Variants in ATP1B3 observed in about 807,000 individuals in gnomAD.
The protein encoded by ATP1B3 is ATPase Na+/K+ transporting subunit beta 3.
Under a neutral mutation model 30.2 loss-of-function variants are expected in ATP1B3, and 10 were observed. The ratio of observed to expected loss-of-function variants is 0.33; its 90% confidence interval spans 0.20 to 0.56. The LOEUF (loss-of-function observed/expected upper bound fraction) is 0.56, where lower values mean the gene tolerates loss of function less well. Ranked by LOEUF, ATP1B3 falls within the 20% of genes least tolerant of loss-of-function variation. The probability of loss-of-function intolerance (pLI) is 0.90; values close to 1 mark genes in which losing one functional copy is unlikely to be tolerated. For missense variants in ATP1B3, 238 were observed against 336.7 expected (o/e 0.71, Z 2.29); for synonymous variants, 113 against 117.0 (o/e 0.97, Z 0.22).
chr3:141,918,679 C>G (rs1185061440), intron 5 of ATP1B3: 1 of 152,160 alleles, frequency 6.6e-6, no homozygotes, highest in Non-Finnish European at 1.5e-5. Flanking sequence ...CCTCGTGATT[C>G]GTCTTCCTCA....
intron 2 of ATP1B3, among the ~76,000 whole-genome samples, chr3:141,905,238 G>A (rs917868107): frequency 5.3e-5 from 8 of 152,230 alleles, no homozygotes; most frequent in Non-Finnish European, 7.4e-5. Flanking sequence ...GTGGGGAATC[G>A]GGCCAGGAAG....
At chr3:141,918,004 G>A (rs964966692) in intron 5 of ATP1B3, among the ~76,000 whole-genome samples, 11 of 151,708 alleles carry the variant, frequency 7.3e-5, no homozygotes, top group African/African-American at 2.2e-4. Flanking sequence ...TCCTGACCTC[G>A]TGATCCGCCC....
intron 3 of ATP1B3, among the ~76,000 whole-genome samples, chr3:141,910,759 T>C (rs1359285660): frequency 1.3e-5 from 2 of 148,552 alleles, no homozygotes; most frequent in Admixed American, 6.9e-5. Context: ...ACCCACTGTT[T>C]CTTGGCTCTT....
chr3:141,908,660 C>T (rs1934305495), intron 3 of ATP1B3, among the ~76,000 whole-genome samples: 1 of 152,174 alleles, frequency 6.6e-6, no homozygotes, highest in Admixed American at 6.5e-5. Flanking sequence ...TTGAGCACCT[C>T]CCTCAAATGG....
In ATP1B3 at chr3:141,907,571, G is replaced by A. The variant is rs139439374; in HGVS notation, c.346+297G>A. Reference sequence around the variant, plus strand: ...CAGAATAATCGCTTGAGCCTGGGAGGCAAAGGTTGCAGTGAGCCAAGTTTG... The same window carrying A: ...CAGAATAATCGCTTGAGCCTGGGAGACAAAGGTTGCAGTGAGCCAAGTTTG... On this transcript the variant is annotated intron_variant, in intron 3 of 6. Transcript: ENST00000286371. Among the ~76,000 whole-genome samples, 101 of 151,990 alleles carry A rather than the reference G, an allele frequency of 6.6e-4. No individual in the cohort carries two copies. In the East Asian group the frequency reaches 0.018, roughly 27 times the overall value.
intron 5 of ATP1B3, among the ~76,000 whole-genome samples, chr3:141,919,524 C>G (rs1400749349): frequency 2.0e-5 from 3 of 152,064 alleles, no homozygotes; most frequent in Non-Finnish European, 4.4e-5. Flanking sequence ...GAAAATGAAT[C>G]ATACTAAGAA....
intron 1 of ATP1B3, among the ~76,000 whole-genome samples, chr3:141,888,259 C>T (rs759117980): frequency 3.2e-4 from 48 of 152,264 alleles, no homozygotes; most frequent in Non-Finnish European, 5.1e-4. Flanking sequence ...TGAATACATT[C>T]GTGTGTTTCT....
chr3:141,924,676 G>A (rs1475549946), intron 6 of ATP1B3, among the ~76,000 whole-genome samples: 1 of 151,946 alleles, frequency 6.6e-6, no homozygotes, highest in East Asian at 1.9e-4. Flanking sequence ...GATAAGGGTC[G>A]GGTGTGGCGG....
intron 5 of ATP1B3, 86 bp downstream of exon 5, chr3:141,916,106 TC>T: frequency 1.6e-6 from 2 of 1,249,766 alleles, no homozygotes; most frequent in South Asian, 1.4e-5. Flanking sequence ...ATCTTTTTTT[TC>T]TTCCCTGTCA....
intron 3 of ATP1B3, among the ~76,000 whole-genome samples, chr3:141,910,915 T>C (rs1934347697): frequency 6.6e-6 from 1 of 152,164 alleles, no homozygotes; most frequent in Non-Finnish European, 1.5e-5. Flanking sequence ...AAATGGCTTA[T>C]TTCTGCCTTT....
intron 1 of ATP1B3, among the ~76,000 whole-genome samples, chr3:141,880,662 C>G (rs1267848962): frequency 6.6e-6 from 1 of 151,884 alleles, no homozygotes; most frequent in Non-Finnish European, 1.5e-5. Flanking sequence ...TAGGTTCATT[C>G]TAGCTTTAAA....
At chr3:141,882,639 A>G (rs368724154) in intron 1 of ATP1B3, among the ~76,000 whole-genome samples, 100 of 152,278 alleles carry the variant, frequency 6.6e-4, no homozygotes, top group African/African-American at 2.4e-3. Context: ...GCTGGAGTGC[A>G]ATGGTGCGAT....
intron 1 of ATP1B3, among the ~76,000 whole-genome samples, chr3:141,899,960 T>G (rs1172835931): frequency 6.6e-6 from 1 of 152,040 alleles, no homozygotes; most frequent in Non-Finnish European, 1.5e-5. Flanking sequence ...GAGCCGAGGA[T>G]TTTGAGGATG....
At chr3:141,888,489 G>A (rs1287739722) in intron 1 of ATP1B3, among the ~76,000 whole-genome samples, 1 of 152,032 alleles carries the variant, frequency 6.6e-6, no homozygotes, top group Non-Finnish European at 1.5e-5. Flanking sequence ...TGTTTTGGCT[G>A]TATATATAGG....
rs1249664046 is a variant in ATP1B3 at position 141,895,221 on chromosome 3, C to A, written c.110-8399C>A. On this transcript the variant is annotated intron_variant, in intron 1 of 6. Coordinates refer to ENST00000286371, the MANE Select transcript of ATP1B3 (RefSeq NM_001679.4). ...TTTTTTTTTTTAAGATGGACTCTTACCCTGTTGCCCGGGCTGGAGTGCAGT... is the reference window on the plus strand; with the variant it reads ...TTTTTTTTTTTAAGATGGACTCTTAACCTGTTGCCCGGGCTGGAGTGCAGT... 4.8e-5 allele frequency among the ~76,000 whole-genome samples: 7 copies of A among 146,914 alleles called. No individual in the cohort carries two copies. In the East Asian group the frequency reaches 1.4e-3, roughly 29 times the overall value.
At chr3:141,899,619 C>T (rs1040453927) in intron 1 of ATP1B3, among the ~76,000 whole-genome samples, 2 of 152,178 alleles carry the variant, frequency 1.3e-5, no homozygotes, top group African/African-American at 4.8e-5. Flanking sequence ...CCTGTAATCC[C>T]AGCACTTTGG....
At chr3:141,882,866 G>A (rs1933755427) in intron 1 of ATP1B3, among the ~76,000 whole-genome samples, 3 of 152,148 alleles carry the variant, frequency 2.0e-5, no homozygotes, top group Admixed American at 6.5e-5. Context: ...GATTACAGGC[G>A]TGAGCCACCG....
chr3:141,876,800 C>T lies in ATP1B3; in HGVS notation c.-2C>T, dbSNP rs1933601812. 3 of 1,589,152 alleles carry T rather than the reference C, an allele frequency of 1.9e-6. No homozygotes were observed. The highest frequency in any genetic ancestry group is 1.1e-5 in the South Asian group (1 of 89,758). On this transcript the variant is annotated 5_prime_UTR_variant, in exon 1 of 7. Coordinates refer to ENST00000286371, the MANE Select transcript of ATP1B3 (RefSeq NM_001679.4). ...GCTCCTCTCGCCGTCCGCGCGCACA[C>T]CATGACGAAGAACGAGAAGAAGTCC... is the stretch of plus-strand genomic sequence containing the variant.
chr3:141,903,470 G>A, intron 1 of ATP1B3, 150 bp from the exon 2 acceptor site: 14 of 1,182,348 alleles, frequency 1.2e-5, no homozygotes, highest in Non-Finnish European at 1.6e-5. Flanking sequence ...AAATTTATGT[G>A]TCCTGAATAT....
Sources: allele counts gnomAD v4.1 joint callset (sites outside exome capture counted in the v4.1 genomes callset), GRCh38; gene constraint gnomAD v4.1.1; transcripts MANE v1.5; gene names NCBI Gene and HGNC (gene_info 2026-07-23, HGNC 2026-07-21).